NELL2: variants seen among roughly 807,000 people sequenced by gnomAD.
The protein encoded by NELL2 is neural EGFL like 2, also known as protein kinase C-binding protein NELL2.
In NELL2, 41 loss-of-function variants were observed where a neutral mutation model predicts 109.6. That is an observed-to-expected ratio of 0.37 (90% CI 0.29 to 0.49). NELL2 has a LOEUF of 0.49. Ranked by LOEUF, NELL2 falls within the 20% of genes least tolerant of loss-of-function variation. NELL2 has a pLI of 0.98. For synonymous variants in NELL2, 355 were observed against 344.7 expected (o/e 1.03, Z -0.33); for missense variants, 900 against 1,008.3 (o/e 0.89, Z 1.45).
At chr12:44,703,888 T>A in intron 11 of NELL2, 34 bp from the exon 12 acceptor site, 1 of 1,586,758 alleles carries the variant, frequency 6.3e-7, no homozygotes, top group Non-Finnish European at 8.6e-7. Context: ...TTAAGGTAAA[T>A]GAAACTATGA....
intron 15 of NELL2, among the ~76,000 whole-genome samples, chr12:44,541,247 TC>T (rs781686801): frequency 9.5e-4 from 55 of 58,026 alleles, no homozygotes; most frequent in Non-Finnish European, 1.6e-3. Flanking sequence ...TGAGACTCCA[TC>T]TCAAAAAAAA....
At chr12:44,825,230 C>T (rs1489852476) in intron 2 of NELL2, among the ~76,000 whole-genome samples, 1 of 152,010 alleles carries the variant, frequency 6.6e-6, no homozygotes, top group East Asian at 1.9e-4. Context: ...TTAATTCTTC[C>T]AATCCATGAA....
chr12:44,722,183 T>TC (rs1938812132), intron 9 of NELL2, among the ~76,000 whole-genome samples: 1 of 148,144 alleles, frequency 6.8e-6, no homozygotes, highest in Non-Finnish European at 1.5e-5. Flanking sequence ...ATAAGAAACT[T>TC]TTTTTTTTTT....
At chr12:44,839,060 C>T (rs922801047) in intron 2 of NELL2, among the ~76,000 whole-genome samples, 3 of 152,184 alleles carry the variant, frequency 2.0e-5, no homozygotes, top group African/African-American at 7.2e-5. Context: ...ACTCCCACAC[C>T]TCCCCGCGCA....
At chr12:44,757,710 G>A (rs1940948668) in intron 9 of NELL2, among the ~76,000 whole-genome samples, 1 of 151,996 alleles carries the variant, frequency 6.6e-6, no homozygotes, top group South Asian at 2.1e-4. Flanking sequence ...TGCATATTTT[G>A]TACAATGTTC....
At chr12:44,519,208 G>C (rs1225011355) in intron 19 of NELL2, among the ~76,000 whole-genome samples, 1 of 152,150 alleles carries the variant, frequency 6.6e-6, no homozygotes, top group African/African-American at 2.4e-5. Context: ...CTATTTAGTT[G>C]TTACTGTTAA....
At chr12:44,674,084 A>C (rs981109369) in intron 12 of NELL2, among the ~76,000 whole-genome samples, 3 of 152,216 alleles carry the variant, frequency 2.0e-5, no homozygotes, top group Non-Finnish European at 4.4e-5. Flanking sequence ...ACTATATAAC[A>C]GAAACATATA....
intron 9 of NELL2, among the ~76,000 whole-genome samples, chr12:44,727,536 C>T (rs1939145875): frequency 6.6e-6 from 1 of 151,432 alleles, no homozygotes; most frequent in South Asian, 2.1e-4. Context: ...GATGGAGAGG[C>T]AGAATGAGAG....
intron 2 of NELL2, among the ~76,000 whole-genome samples, chr12:44,819,800 G>A (rs1566467826): frequency 6.6e-6 from 1 of 152,176 alleles, no homozygotes; most frequent in East Asian, 1.9e-4. Context: ...CATGAACAAA[G>A]CCAGCGGAAG....
At chr12:44,789,484 C>G (rs572764603) in intron 3 of NELL2, among the ~76,000 whole-genome samples, 2 of 152,092 alleles carry the variant, frequency 1.3e-5, no homozygotes, top group Non-Finnish European at 2.9e-5. Context: ...AGGATTCAGC[C>G]CTAGACCTTC....
chr12:44,677,507 C>A (rs763278791), intron 12 of NELL2, among the ~76,000 whole-genome samples: 3 of 152,026 alleles, frequency 2.0e-5, no homozygotes, highest in Non-Finnish European at 4.4e-5. Flanking sequence ...CACATAGGGG[C>A]ATATGTGTTT....
At chr12:44,643,272 G>A (rs2136303258) in intron 13 of NELL2, among the ~76,000 whole-genome samples, 2 of 152,044 alleles carry the variant, frequency 1.3e-5, no homozygotes, top group South Asian at 4.2e-4. Flanking sequence ...ATATCTGACT[G>A]GCAGAAAAAA....
intron 2 of NELL2, among the ~76,000 whole-genome samples, chr12:44,867,134 A>T (rs1177607227): frequency 6.6e-6 from 1 of 152,218 alleles, no homozygotes; most frequent in East Asian, 1.9e-4. Flanking sequence ...AATTTATCTT[A>T]TAAGGCCAGC....
Position 44,799,156 on chromosome 12 carries a change from C to T in NELL2, c.335+16830G>A, listed in dbSNP as rs532196068. Among the ~76,000 whole-genome samples the T allele has an allele frequency of 8.2e-4, 125 of 151,890 alleles. 1 individual carries two copies. Among genetic ancestry groups the T allele is most frequent in the East Asian group, 7.8e-4 (4 of 5,142 alleles). On this transcript the variant is annotated intron_variant, in intron 3 of 19. Coordinates refer to ENST00000429094, the MANE Select transcript of NELL2 (RefSeq NM_001145108.2). ...TATATTTTTAGTAGAGATGGGGTTT[C>T]GCCATGTTAGCCAGGACGGTCTTGA...
At chr12:44,618,059 T>C (rs1818386256) in intron 13 of NELL2, among the ~76,000 whole-genome samples, 1 of 152,174 alleles carries the variant, frequency 6.6e-6, no homozygotes. Flanking sequence ...GATTACCTTA[T>C]TTACTCACTT....
intron 13 of NELL2, among the ~76,000 whole-genome samples, chr12:44,664,827 T>C (rs17652045): frequency 0.16 from 24,967 of 151,974 alleles, 2,118 homozygotes; most frequent in East Asian, 0.21. Context: ...TCTTCTAGCA[T>C]CATGTTTTGT....
chr12:44,530,690 G>A (rs145221192), intron 16 of NELL2, among the ~76,000 whole-genome samples: 6 of 152,262 alleles, frequency 3.9e-5, no homozygotes, highest in Admixed American at 2.0e-4. Context: ...AAGCTCCCAC[G>A]CCTTGAGGAG....
At chr12:44,661,405 G>T (rs188006749) in intron 13 of NELL2, among the ~76,000 whole-genome samples, 55 of 152,236 alleles carry the variant, frequency 3.6e-4, no homozygotes, top group African/African-American at 1.3e-3. Flanking sequence ...ACTTGCCTCA[G>T]TCTCTTTTTC....
rs535061045 is a variant in NELL2, at chr12:44,544,773, A to T, written c.1664-12052T>A. On this transcript the variant is annotated intron_variant, in intron 15 of 19. Coordinates refer to ENST00000429094, the MANE Select transcript of NELL2 (RefSeq NM_001145108.2). ...GAAGTATGATATGAATGATATGAAG[A>T]TATAAAGAAAATGAGACAGAAGCTT... 2.6e-5 allele frequency among the ~76,000 whole-genome samples: 4 copies of T among 152,254 alleles called. No homozygotes were observed. In the South Asian group the frequency reaches 8.3e-4, roughly 32 times the overall value.
Sources: gnomAD v4.1 joint callset for allele counts (sites outside exome capture counted in the v4.1 genomes callset) on GRCh38, gnomAD v4.1.1 for gene constraint, MANE v1.5 for transcripts, NCBI Gene and HGNC (gene_info 2026-07-23, HGNC 2026-07-21) for gene names.